Variants in ANKRD6 observed in about 807,000 individuals in gnomAD.
The protein encoded by ANKRD6 is ankyrin repeat domain-containing protein 6.
Under a neutral mutation model 82.3 loss-of-function variants are expected in ANKRD6, and 56 were observed. The ratio of observed to expected loss-of-function variants is 0.68; its 90% CI spans 0.55 to 0.85. The LOEUF is 0.85. ANKRD6 is among the 40% of genes least tolerant of loss of function. The pLI, the probability that ANKRD6 is intolerant of heterozygous loss-of-function variation, is 0.00. For missense variants in ANKRD6, 852 were observed against 907.6 expected, an observed-to-expected ratio of 0.94 and a Z score of 0.79; for synonymous variants, 347 against 352.1, an observed-to-expected ratio of 0.99 and a Z score of 0.16.
At chr6:89,626,872 T>C (rs1385335352) in intron 13 of ANKRD6, among the ~76,000 whole-genome samples, 1 of 152,240 alleles carries the variant, frequency 6.6e-6, no homozygotes, top group African/African-American at 2.4e-5. Context: ...TTACGTACTT[T>C]AGCTACTTCC....
intron 1 of ANKRD6, among the ~76,000 whole-genome samples, chr6:89,505,778 C>A (rs906740141): frequency 1.3e-5 from 2 of 152,226 alleles, no homozygotes; most frequent in African/African-American, 4.8e-5. Flanking sequence ...CATAAAGAGA[C>A]ATCAGCACCC....
intron 1 of ANKRD6, among the ~76,000 whole-genome samples, chr6:89,497,139 A>G (rs1243624914): frequency 2.0e-5 from 3 of 152,198 alleles, no homozygotes; most frequent in Non-Finnish European, 4.4e-5. Context: ...AACAGATTAG[A>G]TTCTCCCAAA....
At chr6:89,505,043 GA>G (rs1779688178) in intron 1 of ANKRD6, 2 of 152,250 alleles carry the variant, frequency 1.3e-5, no homozygotes, top group Non-Finnish European at 2.9e-5. Flanking sequence ...GTCAATTTCA[GA>G]TTAGCTTTTA....
At chr6:89,543,417 A>G (rs1201233976) in intron 1 of ANKRD6, among the ~76,000 whole-genome samples, 1 of 152,116 alleles carries the variant, frequency 6.6e-6, no homozygotes, top group East Asian at 1.9e-4. Context: ...TCACTGTGAA[A>G]CCGACATGGC....
rs111783358 is a variant in ANKRD6, at chr6:89,557,432, A to G, written c.-143-9402A>G. On this transcript the variant is annotated intron_variant, in intron 1 of 15. Transcript: ENST00000339746. Reference sequence around the variant, plus strand: ...GAATCGTCCAAGGGATGGTTAGGAGAATGAGGAGAGAATGGCTCACAGGAA... The same window carrying G: ...GAATCGTCCAAGGGATGGTTAGGAGGATGAGGAGAGAATGGCTCACAGGAA... Among the ~76,000 whole-genome samples the G allele has an allele frequency of 8.3e-3, 1,258 of 152,188 alleles. 25 individuals carry two copies. The highest frequency in any genetic ancestry group is 0.029 in the African/African-American group (1,214 of 41,500).
chr6:89,542,423 C>G (rs1166285111), intron 1 of ANKRD6, among the ~76,000 whole-genome samples: 1 of 152,138 alleles, frequency 6.6e-6, no homozygotes, highest in Non-Finnish European at 1.5e-5. Flanking sequence ...CCTGTTATTC[C>G]TCTTTCATTT....
chr6:89,512,520 ATACTGTCACT>A (rs1163309318), intron 1 of ANKRD6, among the ~76,000 whole-genome samples: 1 of 152,154 alleles, frequency 6.6e-6, no homozygotes, highest in African/African-American at 2.4e-5. Context: ...TGGGGATCCC[ATACTGTCACT>A]GGCAGCCAGC....
At chr6:89,525,763 TG>T (rs1308112466) in intron 1 of ANKRD6, among the ~76,000 whole-genome samples, 1 of 152,048 alleles carries the variant, frequency 6.6e-6, no homozygotes, top group Non-Finnish European at 1.5e-5. Context: ...CACTTTGGGG[TG>T]GGATTTTAAC....
At chr6:89,495,466 T>C (rs1397227706) in intron 1 of ANKRD6, among the ~76,000 whole-genome samples, 1 of 152,178 alleles carries the variant, frequency 6.6e-6, no homozygotes, top group Non-Finnish European at 1.5e-5. Flanking sequence ...ACAGCTCTTT[T>C]GATGGGCTCA....
Position 89,631,104 on chromosome 6 carries a change from A to G in ANKRD6, c.*100A>G, listed in dbSNP as rs1807315555. ...GAGTCAACTATTGTATATATTGCAG[A>G]TTTGCCTTTTTAAAAAAATCACTAA... On this transcript the variant is annotated 3_prime_UTR_variant, in exon 16 of 16. Transcript: ENST00000339746. 7.1e-7 allele frequency: 1 copy of G among 1,405,832 alleles called. No homozygotes were observed. 87.1% of individuals were successfully genotyped at this position (1,405,832 alleles called of 1,614,324 possible).
In ANKRD6 at chr6:89,539,921, G is replaced by C. The variant is rs368384026; in HGVS notation, c.-143-26913G>C. Among the ~76,000 whole-genome samples the C allele has an allele frequency of 4.6e-5, 7 of 150,644 alleles. No homozygotes were observed. The East Asian group carries it at 1.4e-3, about 29-fold the overall frequency. Reference sequence around the variant, plus strand: ...TTGCGATGTTTGTCTTTCTATGCCTGGCTTATTTTACTTAACATGATGATC... The same window carrying C: ...TTGCGATGTTTGTCTTTCTATGCCTCGCTTATTTTACTTAACATGATGATC... On this transcript the variant is annotated intron_variant, in intron 1 of 15. Transcript: ENST00000339746.
At chr6:89,487,994 T>A (rs1355090185) in intron 1 of ANKRD6, among the ~76,000 whole-genome samples, 1 of 152,268 alleles carries the variant, frequency 6.6e-6, no homozygotes, top group Non-Finnish European at 1.5e-5. Context: ...AGTTGGTATG[T>A]ACAGAGGTAA....
intron 1 of ANKRD6, among the ~76,000 whole-genome samples, chr6:89,448,166 G>A (rs1772338998): frequency 6.6e-6 from 1 of 152,106 alleles, no homozygotes; most frequent in South Asian, 2.1e-4. Flanking sequence ...CAGGTGAGGT[G>A]GCTCACACCT....
chr6:89,536,362 C>A (rs533283989), intron 1 of ANKRD6, among the ~76,000 whole-genome samples: 3 of 152,200 alleles, frequency 2.0e-5, no homozygotes, highest in Non-Finnish European at 2.9e-5. Flanking sequence ...GCTGCCTCTG[C>A]GCCTTTGTTT....
chr6:89,582,919 C>T (rs753875822), intron 2 of ANKRD6, among the ~76,000 whole-genome samples: 28 of 152,322 alleles, frequency 1.8e-4, no homozygotes, highest in Non-Finnish European at 1.0e-4. Context: ...AAGAGCTCAA[C>T]GGATGGGAGT....
rs182937912 is a variant in ANKRD6 at position 89,455,624 on chromosome 6, T to C, written c.-144+22249T>C. ...TAGCACCGTCCTCTTGGTGCTGTTTTCATGATAGTGAATGAGTTATCACAA... is the reference window on the plus strand; with the variant it reads ...TAGCACCGTCCTCTTGGTGCTGTTTCCATGATAGTGAATGAGTTATCACAA... On this transcript the variant is annotated intron_variant, in intron 1 of 15. Transcript: ENST00000339746. Among the ~76,000 whole-genome samples, 4 of 152,252 alleles carry C rather than the reference T, an allele frequency of 2.6e-5. No homozygotes were observed. In the East Asian group the frequency reaches 5.8e-4, roughly 22 times the overall value.
At chr6:89,610,518 G>A (rs907408171) in intron 5 of ANKRD6, among the ~76,000 whole-genome samples, 3 of 152,008 alleles carry the variant, frequency 2.0e-5, no homozygotes, top group Non-Finnish European at 4.4e-5. Flanking sequence ...TTTTCTTGGT[G>A]CAAATGCTTT....
Position 89,606,099 on chromosome 6 carries a change from GA to G in ANKRD6, c.413del (p.Asn138ThrfsTer80), listed in dbSNP as rs1173199286. 1 of 1,567,514 alleles carries G rather than the reference GA, an allele frequency of 6.4e-7. No individual in the cohort carries two copies. The highest frequency in any genetic ancestry group is 1.4e-5 in the African/African-American group (1 of 73,958). On this transcript the variant is annotated frameshift_variant, in exon 5 of 16. Transcript: ENST00000339746. LOFTEE classifies it high-confidence loss of function. ...IKAGANVLAK[N>X]KAGNTALHLA... ...AAGCAGGAGCCAACGTGCTTGCCAA[GA>G]ACAAGGTGAGGCCTGGCAGATGCTA... is the stretch of plus-strand genomic sequence containing the variant.
At chr6:89,610,314 T>C (rs1192427231) in intron 5 of ANKRD6, among the ~76,000 whole-genome samples, 2 of 152,146 alleles carry the variant, frequency 1.3e-5, no homozygotes, top group African/African-American at 4.8e-5. Flanking sequence ...TCTGTTTTGC[T>C]TGTTCATAAA....
Sources: allele counts gnomAD v4.1 joint callset (sites outside exome capture counted in the v4.1 genomes callset), GRCh38; gene constraint gnomAD v4.1.1; transcripts MANE v1.5; gene names NCBI Gene and HGNC (gene_info 2026-07-23, HGNC 2026-07-21).